The following MTMR8 variants were observed in gnomAD, a reference collection of about 807,000 sequenced individuals.
MTMR8 encodes the protein phosphatidylinositol-3,5-bisphosphate 3-phosphatase MTMR8.
In MTMR8, 65 loss-of-function variants were observed where a neutral mutation model predicts 39.3. That is an observed-to-expected ratio of 1.65 (90% CI 1.35 to 2.03). The LOEUF is 2.03. Ranked by LOEUF, MTMR8 falls within the 30% of genes most tolerant of loss-of-function variation. The pLI is 0.00. For synonymous variants in MTMR8, 245 were observed against 185.2 expected (o/e 1.32, Z -2.62); for missense variants, 777 against 538.9 (o/e 1.44, Z -4.37).
intron 1 of MTMR8, among the ~76,000 whole-genome samples, chrX:64,366,924 C>T (rs1323887380): frequency 9.0e-6 from 1 of 111,417 alleles, no homozygotes; most frequent in East Asian, 2.8e-4. Context: ...AAGGTGATAT[C>T]ACCATCGATC....
intron 12 of MTMR8, chrX:64,305,166 C>T (rs2147205173): frequency 4.8e-6 from 1 of 209,853 alleles, no homozygotes; most frequent in Admixed American, 5.1e-5. Flanking sequence ...ACTGAGCAAT[C>T]ATCTCATAGG....
At chrX:64,301,726 T>C (rs1313607374) in intron 12 of MTMR8, among the ~76,000 whole-genome samples, 1 of 111,361 alleles carries the variant, frequency 9.0e-6, no homozygotes, top group Admixed American at 9.5e-5. Flanking sequence ...TTTTGGTCTT[T>C]GATGATGGTG....
intron 12 of MTMR8, among the ~76,000 whole-genome samples, chrX:64,307,930 G>A (rs755664036): frequency 1.3e-4 from 14 of 111,785 alleles, no homozygotes; most frequent in Non-Finnish European, 2.4e-4. Flanking sequence ...TTGCATTTAC[G>A]TATTTATTTG....
rs754586008 is a variant in MTMR8, at chrX:64,395,214, C to G, written c.24+126G>C. The G allele has an allele frequency of 7.9e-4, 562 of 712,040 alleles. 5 individuals are homozygous for G. In the South Asian group the frequency reaches 0.013, roughly 16 times the overall value. 58.7% of individuals were successfully genotyped at this position (712,040 alleles called of 1,213,427 possible). A position where few individuals can be genotyped will look rare whatever the true frequency, so the allele number is the denominator to read the frequency against. ...GGGGGTGTGGACCCAGAAAGAGAAC[C>G]CGGGACCCCCCACAGGAAAGACGCG... On this transcript the variant is annotated intron_variant, in intron 1 of 13. Coordinates refer to ENST00000374852, the MANE Select transcript of MTMR8 (RefSeq NM_017677.4).
In MTMR8 at chrX:64,293,006, A is replaced by G. The variant is rs1921451634; in HGVS notation, c.1482-21933T>C. 4.5e-5 allele frequency among the ~76,000 whole-genome samples: 5 copies of G among 111,002 alleles called. 1 individual carries two copies. In the Admixed American group the frequency reaches 4.8e-4, roughly 11 times the overall value. ...TACTAGGCCTTATAAAGGCCTGGGAAGACTGTCAATGGAAAATGTTAACCA... is the reference window on the plus strand; with the variant it reads ...TACTAGGCCTTATAAAGGCCTGGGAGGACTGTCAATGGAAAATGTTAACCA... On this transcript the variant is annotated intron_variant, in intron 12 of 13. Coordinates refer to ENST00000374852, the MANE Select transcript of MTMR8 (RefSeq NM_017677.4).
At chrX:64,289,636 CAA>C (rs749879321) in intron 12 of MTMR8, among the ~76,000 whole-genome samples, 6 of 26,426 alleles carry the variant, frequency 2.3e-4, no homozygotes, top group Non-Finnish European at 3.2e-4. Flanking sequence ...GACTCCATCG[CAA>C]AAAAAAAAAA....
At chrX:64,324,999 A>G (rs1298138907) in intron 12 of MTMR8, among the ~76,000 whole-genome samples, 4 of 111,339 alleles carry the variant, frequency 3.6e-5, no homozygotes. Context: ...TACAGAAATA[A>G]AAAGCATCAC....
chrX:64,312,539 T>C (rs1922344022), intron 12 of MTMR8, among the ~76,000 whole-genome samples: 1 of 112,277 alleles, frequency 8.9e-6, no homozygotes, highest in Non-Finnish European at 1.9e-5. Flanking sequence ...AGTCAAATTG[T>C]CCCTGTTTGC....
intron 11 of MTMR8, among the ~76,000 whole-genome samples, chrX:64,331,188 G>A (rs1180159180): frequency 8.9e-6 from 1 of 111,919 alleles, no homozygotes; most frequent in African/African-American, 3.3e-5. Flanking sequence ...CGCCTGTTGG[G>A]TTGGGTTCGG....
intron 12 of MTMR8, among the ~76,000 whole-genome samples, chrX:64,320,259 C>G (rs748348755): frequency 2.7e-5 from 3 of 110,859 alleles, no homozygotes; most frequent in Admixed American, 1.9e-4. Flanking sequence ...GATTTTGTAT[C>G]CTGAGACTTA....
intron 8 of MTMR8, among the ~76,000 whole-genome samples, chrX:64,340,033 A>AT (rs1161451729): frequency 1.8e-5 from 2 of 111,490 alleles, no homozygotes; most frequent in Non-Finnish European, 3.8e-5. Context: ...ACCAACTAAC[A>AT]TATCTATGGG....
At chrX:64,378,691 A>G (rs963737604) in intron 1 of MTMR8, among the ~76,000 whole-genome samples, 14 of 112,805 alleles carry the variant, frequency 1.2e-4, no homozygotes, top group African/African-American at 4.5e-4. Flanking sequence ...ATATATTAGA[A>G]CAAAGAAAAA....
At chrX:64,361,092 T>C in intron 1 of MTMR8, among the ~76,000 whole-genome samples, 1 of 111,162 alleles carries the variant, frequency 9.0e-6, no homozygotes, top group Non-Finnish European at 1.9e-5. Flanking sequence ...AGGGAAAATA[T>C]AAAAAATTAA....
intron 7 of MTMR8, among the ~76,000 whole-genome samples, 182 bp from the exon 8 acceptor site, chrX:64,343,902 C>T (rs777943574): frequency 9.0e-6 from 1 of 111,629 alleles, no homozygotes; most frequent in East Asian, 2.9e-4. Flanking sequence ...GATCTCCTCG[C>T]CTGGGCCTCT....
At chrX:64,381,229 T>C (rs1924409192) in intron 1 of MTMR8, among the ~76,000 whole-genome samples, 1 of 111,777 alleles carries the variant, frequency 8.9e-6, no homozygotes, top group Non-Finnish European at 1.9e-5. Flanking sequence ...AAAGTGTTCC[T>C]ATTTCTCCAC....
intron 1 of MTMR8, among the ~76,000 whole-genome samples, chrX:64,391,062 G>T (rs917836845): frequency 2.2e-4 from 25 of 112,083 alleles, no homozygotes; most frequent in African/African-American, 7.5e-4. Context: ...ATTCCAAAAA[G>T]AAACTTCATC....
At chrX:64,300,130 A>T (rs1320246538) in intron 12 of MTMR8, among the ~76,000 whole-genome samples, 1 of 104,207 alleles carries the variant, frequency 9.6e-6, no homozygotes, top group Non-Finnish European at 2.0e-5. Flanking sequence ...ATTCCTGGGT[A>T]TCCTTGTGGA....
At chrX:64,304,843 C>A (rs1172031390) in intron 12 of MTMR8, among the ~76,000 whole-genome samples, 1 of 75,396 alleles carries the variant, frequency 1.3e-5, no homozygotes, top group African/African-American at 4.2e-5. Context: ...ATGAGCTAAG[C>A]TTGATGGATC....
intron 12 of MTMR8, among the ~76,000 whole-genome samples, chrX:64,283,094 A>G (rs144545867): frequency 8.9e-6 from 1 of 111,919 alleles, no homozygotes; most frequent in African/African-American, 3.3e-5. Context: ...GCTGTGACAG[A>G]TGGCACCTGG....
Sources: allele counts gnomAD v4.1 joint callset (sites outside exome capture counted in the v4.1 genomes callset), GRCh38; gene constraint gnomAD v4.1.1; transcripts MANE v1.5; gene names NCBI Gene and HGNC (gene_info 2026-07-23, HGNC 2026-07-21).